CAAP1: variants seen among roughly 807,000 people sequenced by gnomAD.
CAAP1 encodes conserved anti-apoptotic protein.
Under a neutral mutation model 34.0 loss-of-function variants are expected in CAAP1, and 20 were observed. That is an observed-to-expected ratio of 0.59 (90% CI 0.41 to 0.86). The LOEUF is 0.86. Ranked by LOEUF, CAAP1 falls within the 40% of genes least tolerant of loss-of-function variation. The probability of loss-of-function intolerance (pLI) is 0.00; values close to 1 mark genes in which losing one functional copy is unlikely to be tolerated. For missense variants in CAAP1, 538 were observed against 450.5 expected, an observed-to-expected ratio of 1.19 and a Z score of -1.76; for synonymous variants, 213 against 166.7, an observed-to-expected ratio of 1.28 and a Z score of -2.14.
At chr9:26,879,318 A>G (rs1362784641) in intron 4 of CAAP1, among the ~76,000 whole-genome samples, 1 of 151,894 alleles carries the variant, frequency 6.6e-6, no homozygotes, top group African/African-American at 2.4e-5. Context: ...TTTATTTATA[A>G]TTATAAAGTT....
intron 5 of CAAP1, among the ~76,000 whole-genome samples, chr9:26,855,900 G>A (rs1822859214): frequency 6.6e-6 from 1 of 152,192 alleles, no homozygotes. Context: ...CCTTAAGAGT[G>A]TGTCTAAGAT....
Position 26,881,560 on chromosome 9 carries a change from C to T in CAAP1, c.665+3250G>A, listed in dbSNP as rs569259548. ...GCCGCCATATAAGAAGCGCCTTTTG[C>T]CTTCCACCATGACTGTGAGGCCTCC... is the stretch of plus-strand genomic sequence containing the variant. On this transcript the variant is annotated intron_variant, in intron 4 of 5. Transcript: ENST00000333916. 8.5e-5 allele frequency among the ~76,000 whole-genome samples: 13 copies of T among 152,314 alleles called. 1 individual carries two copies. In the South Asian group the frequency reaches 2.7e-3, roughly 32 times the overall value.
chr9:26,856,812 C>T (rs1045594033), intron 5 of CAAP1, among the ~76,000 whole-genome samples: 5 of 152,176 alleles, frequency 3.3e-5, no homozygotes, highest in Admixed American at 2.0e-4. Flanking sequence ...AACCTCAACT[C>T]CTCAATCTAA....
At chr9:26,888,111 G>A (rs146862380) in intron 1 of CAAP1, among the ~76,000 whole-genome samples, 2 of 152,084 alleles carry the variant, frequency 1.3e-5, no homozygotes, top group Admixed American at 1.3e-4. Context: ...TTTTTGCCTG[G>A]GTTACACCAA....
intron 1 of CAAP1, 31 bp from the exon 2 acceptor site, chr9:26,887,544 C>T (rs780428862): frequency 2.3e-6 from 3 of 1,290,808 alleles, no homozygotes; most frequent in South Asian, 1.4e-5. Flanking sequence ...AACCATTAAA[C>T]AATACTACTT....
At chr9:26,878,937 T>C (rs181066652) in intron 4 of CAAP1, among the ~76,000 whole-genome samples, 22 of 152,306 alleles carry the variant, frequency 1.4e-4, no homozygotes, top group Middle Eastern at 3.4e-3. Flanking sequence ...AGCCAAAATC[T>C]TACCTGCAAC....
At chr9:26,850,704 A>C (rs1387415261) in intron 5 of CAAP1, among the ~76,000 whole-genome samples, 1 of 152,226 alleles carries the variant, frequency 6.6e-6, no homozygotes, top group East Asian at 1.9e-4. Flanking sequence ...TTTGGCATCT[A>C]TGATGCAGTT....
rs1182403150 is a variant in CAAP1, at chr9:26,889,029, TTA to T, written c.304-1518_304-1517del. On this transcript the variant is annotated intron_variant, in intron 1 of 5. Transcript: ENST00000333916. Reference sequence around the variant, plus strand: ...ACAACATGGATGAATCTTAAAAACATTATGTTAAGTAAAAGATGCCAGACACA... The same window carrying T: ...ACAACATGGATGAATCTTAAAAACATTGTTAAGTAAAAGATGCCAGACACA... 8.5e-5 allele frequency among the ~76,000 whole-genome samples: 13 copies of T among 152,262 alleles called. No homozygotes were observed. The South Asian group carries it at 2.3e-3, about 27-fold the overall frequency.
At chr9:26,888,893 T>C (rs1162279354) in intron 1 of CAAP1, among the ~76,000 whole-genome samples, 1 of 152,276 alleles carries the variant, frequency 6.6e-6, no homozygotes, top group African/African-American at 2.4e-5. Context: ...TAGCGTTATC[T>C]ATACGTATGT....
At chr9:26,874,836 AAAAC>A (rs1456726769) in intron 4 of CAAP1, among the ~76,000 whole-genome samples, 1 of 152,216 alleles carries the variant, frequency 6.6e-6, no homozygotes, top group African/African-American at 2.4e-5. Flanking sequence ...AATCTGGAAA[AAAAC>A]AATACATTTG....
intron 4 of CAAP1, among the ~76,000 whole-genome samples, chr9:26,879,900 T>C (rs7039799): frequency 0.043 from 6,492 of 152,254 alleles, 472 homozygotes; most frequent in African/African-American, 0.15. Flanking sequence ...CTTCCGTGCT[T>C]CTCAACCTGC....
rs560569242 is a variant in CAAP1 at position 26,878,457 on chromosome 9, T to C, written c.665+6353A>G. ...TCCACAATGAAGAAGTAAACCACTA[T>C]ACTTTGAGATATCTACTCCCCAGTT... On this transcript the variant is annotated intron_variant, in intron 4 of 5. Coordinates refer to ENST00000333916, the MANE Select transcript of CAAP1 (RefSeq NM_024828.4). Among the ~76,000 whole-genome samples the C allele has an allele frequency of 3.3e-5, 5 of 152,320 alleles. No individual in the cohort carries two copies. The East Asian group carries it at 7.7e-4, about 23-fold the overall frequency.
At chr9:26,879,957 C>G (rs1179074862) in intron 4 of CAAP1, among the ~76,000 whole-genome samples, 1 of 152,146 alleles carries the variant, frequency 6.6e-6, no homozygotes, top group Non-Finnish European at 1.5e-5. Flanking sequence ...TGACTCAATT[C>G]TCCTTAATAA....
At chr9:26,842,798 CT>C in intron 5 of CAAP1, 151 bp from the exon 6 acceptor site, 2 of 598,664 alleles carry the variant, frequency 3.3e-6, no homozygotes, top group Non-Finnish European at 5.7e-6. Context: ...CTCTTTTCCC[CT>C]GACTCCTCAA....
intron 5 of CAAP1, among the ~76,000 whole-genome samples, chr9:26,858,035 G>T (rs1218679494): frequency 6.6e-6 from 1 of 152,116 alleles, no homozygotes; most frequent in Non-Finnish European, 1.5e-5. Context: ...TTCTGAAAGA[G>T]CAAAAAGAAA....
Position 26,892,566 on chromosome 9 carries a change from C to A in CAAP1, c.150G>T (p.Gly50=). The change falls in exon 1 of 6, where the codon GGG becomes GGT. Residue 50 remains glycine (G), a synonymous_variant. Transcript: ENST00000333916. ...TSGCGSAGGC[G]SVSCCGNANF... is the part of the protein sequence containing the mutation. ...TGGCGTTCCCACAGCAGCTGACGCT[C>A]CCGCAGCCCCCGGCGCTCCCGCAGC... The A allele has an allele frequency of 6.3e-7, 1 of 1,589,400 alleles. No individual in the cohort carries two copies. Among genetic ancestry groups the A allele is most frequent in the South Asian group, 1.1e-5 (1 of 88,844 alleles).
intron 5 of CAAP1, among the ~76,000 whole-genome samples, chr9:26,845,234 G>C (rs746911428): frequency 1.3e-4 from 20 of 152,158 alleles, no homozygotes; most frequent in Admixed American, 3.3e-4. Flanking sequence ...ACAGTGTCTT[G>C]TACACAGCAG....
intron 1 of CAAP1, 160 bp downstream of exon 1, chr9:26,892,253 G>A: frequency 6.6e-7 from 1 of 1,507,606 alleles, no homozygotes; most frequent in Non-Finnish European, 8.8e-7. Flanking sequence ...GGAGTGTGGG[G>A]CTCACCAGGA....
At chr9:26,863,496 A>C (rs1823053414) in intron 4 of CAAP1, among the ~76,000 whole-genome samples, 1 of 152,166 alleles carries the variant, frequency 6.6e-6, no homozygotes, top group African/African-American at 2.4e-5. Context: ...ACAAAAAGGA[A>C]ATATCTTAAA....
Sources: gnomAD v4.1 joint callset for allele counts (sites outside exome capture counted in the v4.1 genomes callset) on GRCh38, gnomAD v4.1.1 for gene constraint, MANE v1.5 for transcripts, NCBI Gene and HGNC (gene_info 2026-07-23, HGNC 2026-07-21) for gene names.